Variants in ATOSA observed in about 807,000 individuals in gnomAD.
ATOSA encodes atos homolog protein A.
chr15:52,681,621 T>C, the ATOSA span, among the ~76,000 whole-genome samples: 1 of 152,174 alleles, frequency 6.6e-6, no homozygotes, highest in Middle Eastern at 3.2e-3. Flanking sequence ...TCCTAGTTGG[T>C]GAAGGGTAAG....
chr15:52,595,999 A>G, the ATOSA span, among the ~76,000 whole-genome samples: 5 of 152,116 alleles, frequency 3.3e-5, no homozygotes, highest in African/African-American at 9.7e-5. Flanking sequence ...GTAGAGTCCT[A>G]GCTACTTGGG....
At chr15:52,611,579 G>C in the ATOSA span, 4 of 1,613,686 alleles carry the variant, frequency 2.5e-6, no homozygotes, top group Non-Finnish European at 2.5e-6. Context: ...ACTTACTGTC[G>C]AGGAACTGGC....
the ATOSA span, among the ~76,000 whole-genome samples, chr15:52,642,888 A>C: frequency 2.0e-5 from 3 of 152,108 alleles, no homozygotes; most frequent in African/African-American, 7.2e-5. Flanking sequence ...CCATAACCAC[A>C]AACTACTGGG....
At chr15:52,678,837 C>G in the ATOSA span, 3 of 153,472 alleles carry the variant, frequency 2.0e-5, no homozygotes, top group Non-Finnish European at 4.3e-5. Context: ...CCGAGCGCCG[C>G]GTCTGCCCCT....
chr15:52,631,594 T>C, the ATOSA span, among the ~76,000 whole-genome samples: 1 of 152,174 alleles, frequency 6.6e-6, no homozygotes, highest in Admixed American at 6.5e-5. Context: ...GTTTGCCATA[T>C]ATATATAATT....
chr15:52,623,407 G>A, the ATOSA span, among the ~76,000 whole-genome samples: 1 of 152,078 alleles, frequency 6.6e-6, no homozygotes, highest in Admixed American at 6.6e-5. Flanking sequence ...GTCCAGGGTT[G>A]TAGGTATAGT....
At chr15:52,617,792 T>A in the ATOSA span, among the ~76,000 whole-genome samples, 110 of 101,840 alleles carry the variant, frequency 1.1e-3, no homozygotes, top group African/African-American at 3.4e-3. Context: ...ATACAAATAA[T>A]TTATATAATT....
At chr15:52,699,626 G>A in the ATOSA span, among the ~76,000 whole-genome samples, 111 of 151,774 alleles carry the variant, frequency 7.3e-4, 1 homozygote, top group Middle Eastern at 0.01. Context: ...CACTTGAGTG[G>A]TTCCTTTTGT....
At chr15:52,678,346 C>G in the ATOSA span, 1 of 508,958 alleles carries the variant, frequency 2.0e-6, no homozygotes, top group African/African-American at 1.9e-5. Flanking sequence ...CCTTCTGACA[C>G]AGTCTCTGAA....
the ATOSA span, among the ~76,000 whole-genome samples, chr15:52,630,371 A>T: frequency 6.6e-6 from 1 of 152,188 alleles, no homozygotes; most frequent in Non-Finnish European, 1.5e-5. Context: ...CAAAGAAAAT[A>T]TTTGCAATGC....
the ATOSA span, among the ~76,000 whole-genome samples, chr15:52,608,061 AT>A: frequency 1.5e-4 from 22 of 150,768 alleles, no homozygotes; most frequent in Middle Eastern, 3.4e-3. Flanking sequence ...TTATTTATTT[AT>A]TTTTTTTTGT....
the ATOSA span, chr15:52,679,399 C>G: frequency 6.6e-6 from 1 of 152,596 alleles, no homozygotes; most frequent in Admixed American, 6.5e-5. Context: ...GCCTAGGTCA[C>G]GTGTCCCAAC....
the ATOSA span, among the ~76,000 whole-genome samples, chr15:52,617,746 TTTTA>T: frequency 1.4e-5 from 2 of 137,966 alleles, no homozygotes; most frequent in Admixed American, 7.4e-5. Context: ...AATAAATAAA[TTTTA>T]TTTAAATATT....
the ATOSA span, chr15:52,613,822 C>A: frequency 6.2e-7 from 1 of 1,613,812 alleles, no homozygotes; most frequent in Non-Finnish European, 8.5e-7. Flanking sequence ...ACCAAGAACT[C>A]CTCTGCATCA....
At chr15:52,658,722 T>C in the ATOSA span, 4 of 380,344 alleles carry the variant, frequency 1.1e-5, no homozygotes, top group South Asian at 1.3e-4. Context: ...TTCCAGACTT[T>C]AGGAGGCTGA....
chr15:52,611,830 G>A, the ATOSA span: 1 of 1,520,168 alleles, frequency 6.6e-7, no homozygotes, highest in South Asian at 1.2e-5. Context: ...CTAATTTTGT[G>A]TTTAAAATAG....
the ATOSA span, among the ~76,000 whole-genome samples, chr15:52,687,187 C>G: frequency 6.6e-6 from 1 of 152,092 alleles, no homozygotes; most frequent in Non-Finnish European, 1.5e-5. Context: ...GGGTGGGTCA[C>G]GAGGTCAGGA....
At chr15:52,688,576 A>G in the ATOSA span, among the ~76,000 whole-genome samples, 1 of 152,202 alleles carries the variant, frequency 6.6e-6, no homozygotes, top group South Asian at 2.1e-4. Context: ...GGTTGGGGAG[A>G]AAAGGAGAAA....
chr15:52,590,033 C>A, the ATOSA span, among the ~76,000 whole-genome samples: 1 of 152,120 alleles, frequency 6.6e-6, no homozygotes, highest in East Asian at 1.9e-4. Flanking sequence ...AGTTATCCGC[C>A]TGCCCCAGCC....
Sources: allele counts gnomAD v4.1 joint callset (sites outside exome capture counted in the v4.1 genomes callset), GRCh38; gene constraint gnomAD v4.1.1; transcripts MANE v1.5; gene names NCBI Gene and HGNC (gene_info 2026-07-23, HGNC 2026-07-21).